MRPS23: variants seen among roughly 807,000 people sequenced by gnomAD.
The protein encoded by MRPS23 is small ribosomal subunit protein mS23.
Under a neutral mutation model 19.8 loss-of-function variants are expected in MRPS23, and 14 were observed. The ratio of observed to expected loss-of-function variants is 0.71; its 90% CI spans 0.47 to 1.11. The LOEUF is 1.11. Among genes scored for constraint, MRPS23 ranks in the 50% least tolerant of loss-of-function variants. MRPS23 has a pLI of 0.00. For missense variants in MRPS23, 242 were observed against 236.7 expected, an observed-to-expected ratio of 1.02 and a Z score of -0.15; for synonymous variants, 113 against 89.7, an observed-to-expected ratio of 1.26 and a Z score of -1.47.
rs1597950461 is a variant in MRPS23, at chr17:57,838,148, G to C, written c.*1635C>G. 1.3e-5 allele frequency: 2 copies of C among 151,096 alleles called. No individual in the cohort carries two copies. The highest frequency in any genetic ancestry group is 2.1e-4 in the South Asian group (1 of 4,794). The allele number at this position is 151,096 out of a possible 1,614,324, so 9.4% of individuals were successfully genotyped here. A position where few individuals can be genotyped will look rare whatever the true frequency, so the allele number is the denominator to read the frequency against. On this transcript the variant is annotated 3_prime_UTR_variant, in exon 5 of 5. Coordinates refer to ENST00000313608, the MANE Select transcript of MRPS23 (RefSeq NM_016070.4). ...CTACTAAAAATACAAAAATTAGCCG[G>C]GCGTCATAGCATACACCTGTAATCC...
rs370711813 is a variant in MRPS23, at chr17:57,839,874, G to A, written c.482C>T (p.Ala161Val). Reference sequence around the variant, plus strand: ...TTTCTGAGTCTCGTTTTCTTCCAACGCAGTCTGTGGTCTGACACTCAAGTG... The same window carrying A: ...TTTCTGAGTCTCGTTTTCTTCCAACACAGTCTGTGGTCTGACACTCAAGTG... ...SEHLSVRPQT[A>V]LEENETQKEV... is the part of the protein sequence containing the mutation. The change falls in exon 5 of 5, where the codon GCG becomes GTG. Residue 161 changes from alanine (A) to valine (V), a missense_variant. Ala to Val is a moderately conservative substitution (Grantham distance 64). Transcript: ENST00000313608. 9 of 1,614,176 alleles carry A rather than the reference G, an allele frequency of 5.6e-6. No homozygotes were observed. The East Asian group carries it at 6.7e-5, about 12-fold the overall frequency.
At chr17:57,844,121 C>T (rs1597952809) in intron 2 of MRPS23, among the ~76,000 whole-genome samples, 2 of 146,208 alleles carry the variant, frequency 1.4e-5, no homozygotes. Context: ...TTGTAAGTTC[C>T]TTTTTCTTTT....
chr17:57,842,864 T>TAAAAAA, intron 2 of MRPS23, among the ~76,000 whole-genome samples: 1 of 79,306 alleles, frequency 1.3e-5, no homozygotes, highest in African/African-American at 4.9e-5. Context: ...ACCCTGTCTC[T>TAAAAAA]AAAAAAAAAA....
At chr17:57,840,260 G>A (rs1334804943) in intron 4 of MRPS23, among the ~76,000 whole-genome samples, 3 of 152,054 alleles carry the variant, frequency 2.0e-5, no homozygotes, top group East Asian at 1.9e-4. Flanking sequence ...GGTGGCAGGC[G>A]CCTGTGGTCC....
chr17:57,840,751 T>C lies in MRPS23; in HGVS notation c.420+175A>G, dbSNP rs1362962836. On this transcript the variant is annotated intron_variant, in intron 4 of 4. Coordinates refer to ENST00000313608, the MANE Select transcript of MRPS23 (RefSeq NM_016070.4). The stretch of plus-strand genomic sequence containing the variant: ...TTATGTATTATAAATGATTTAGAGA[T>C]GATTAAAGTATATGGGAGGATATGT... 6.7e-6 allele frequency: 4 copies of C among 596,970 alleles called. No individual in the cohort carries two copies. The East Asian group carries it at 1.2e-4, about 18-fold the overall frequency. The allele number at this position is 596,970 out of a possible 1,614,324, so 37.0% of individuals were successfully genotyped here.
At chr17:57,840,756 A>G (rs1223438552) in intron 4 of MRPS23, 170 bp downstream of exon 4, 8 of 629,060 alleles carry the variant, frequency 1.3e-5, no homozygotes, top group Non-Finnish European at 2.0e-5. Flanking sequence ...AGAGATGATT[A>G]AAGTATATGG....
At chr17:57,842,971 C>CAA (rs1294613790) in intron 2 of MRPS23, among the ~76,000 whole-genome samples, 1 of 142,512 alleles carries the variant, frequency 7.0e-6, no homozygotes, top group Non-Finnish European at 1.5e-5. Context: ...GTAATCCCAG[C>CAA]AAAAATATAT....
At chr17:57,840,689 AAT>A (rs1398109829) in intron 4 of MRPS23, 7 of 389,454 alleles carry the variant, frequency 1.8e-5, no homozygotes, top group Non-Finnish European at 2.7e-5. Flanking sequence ...AATTTTTAAA[AAT>A]AGAGTATAAC....
chr17:57,846,759 C>G (rs2073778675), intron 2 of MRPS23, among the ~76,000 whole-genome samples: 1 of 151,736 alleles, frequency 6.6e-6, no homozygotes, highest in Non-Finnish European at 1.5e-5. Flanking sequence ...TCTCAAGTAC[C>G]CAGGAACACA....
Position 57,849,333 on chromosome 17 carries a change from A to G in MRPS23, c.122T>C (p.Leu41Pro), listed in dbSNP as rs1597955102. 6.2e-7 allele frequency: 1 copy of G among 1,614,184 alleles called. No individual in the cohort carries two copies. Among genetic ancestry groups the G allele is most frequent in the Non-Finnish European group, 8.5e-7 (1 of 1,180,034 alleles). Residue 41 changes from leucine (L) to proline (P), a missense_variant, in exon 2 of 5, where the codon CTG becomes CCG. By Grantham distance (98) the Leu-to-Pro change is moderately conservative. Transcript: ENST00000313608. ...WFDVYDAFPP[L>P]REPVFQRPRV... ...AGGCCTTTGGAAGACGGGCTCCCTC[A>G]GCGGGGGAAAGGCGTCATATACGTC...
Position 57,839,638 on chromosome 17 carries a change from G to T in MRPS23, c.*145C>A. On this transcript the variant is annotated 3_prime_UTR_variant, in exon 5 of 5. Coordinates refer to ENST00000313608, the MANE Select transcript of MRPS23 (RefSeq NM_016070.4). ...CTGTCAAACCATGATACTGAGCTTTGTGACAACCCAGAAATAACTAAGAGA... is the reference window on the plus strand; with the variant it reads ...CTGTCAAACCATGATACTGAGCTTTTTGACAACCCAGAAATAACTAAGAGA... 2.9e-6 allele frequency: 3 copies of T among 1,044,720 alleles called. No individual in the cohort carries two copies. Among genetic ancestry groups the T allele is most frequent in the South Asian group, 4.6e-5 (2 of 43,800 alleles). 64.7% of individuals were successfully genotyped at this position (1,044,720 alleles called of 1,614,324 possible).
At chr17:57,842,887 T>TACACACAC (rs1209375203) in intron 2 of MRPS23, among the ~76,000 whole-genome samples, 6 of 97,540 alleles carry the variant, frequency 6.2e-5, no homozygotes, top group African/African-American at 2.1e-4. Context: ...AAAATATATA[T>TACACACAC]ATATACACAC....
intron 2 of MRPS23, among the ~76,000 whole-genome samples, chr17:57,847,292 CAAA>C (rs754912035): frequency 4.7e-5 from 4 of 84,986 alleles, no homozygotes. Context: ...GACTCCATCT[CAAA>C]AAAAAAAAAA....
At chr17:57,846,190 C>A (rs541319378) in intron 2 of MRPS23, among the ~76,000 whole-genome samples, 65 of 150,772 alleles carry the variant, frequency 4.3e-4, no homozygotes, top group African/African-American at 1.5e-3. Context: ...CCAGCCGCCC[C>A]GTCCGGGAGG....
chr17:57,846,692 T>C lies in MRPS23; in HGVS notation c.215+2548A>G, dbSNP rs913113843. On this transcript the variant is annotated intron_variant, in intron 2 of 4. Transcript: ENST00000313608. The stretch of plus-strand genomic sequence containing the variant: ...GATTAAGGGCGGTGCAAGATGTGCT[T>C]TGTTAAACAGATGCTTGAAGGCAGC... 1.2e-3 allele frequency among the ~76,000 whole-genome samples: 189 copies of C among 152,238 alleles called. 1 individual carries two copies. The highest frequency in any genetic ancestry group is 4.1e-3 in the South Asian group (20 of 4,822).
At chr17:57,846,684 G>A (rs1297090539) in intron 2 of MRPS23, among the ~76,000 whole-genome samples, 3 of 152,124 alleles carry the variant, frequency 2.0e-5, no homozygotes, top group Non-Finnish European at 4.4e-5. Flanking sequence ...GGCGGTGCAA[G>A]ATGTGCTTTG....
At chr17:57,849,060 CT>C in intron 2 of MRPS23, 179 bp downstream of exon 2, 1 of 733,402 alleles carries the variant, frequency 1.4e-6, no homozygotes, top group Non-Finnish European at 2.1e-6. Context: ...CCAGATTCCA[CT>C]TTTCAGAACT....
At chr17:57,847,952 C>A (rs1432974082) in intron 2 of MRPS23, among the ~76,000 whole-genome samples, 1 of 151,928 alleles carries the variant, frequency 6.6e-6, no homozygotes, top group African/African-American at 2.4e-5. Context: ...CCACCTCAGC[C>A]TCCCAAAGTG....
intron 2 of MRPS23, among the ~76,000 whole-genome samples, chr17:57,845,178 G>A (rs2073764795): frequency 6.6e-6 from 1 of 152,304 alleles, no homozygotes; most frequent in South Asian, 2.1e-4. Flanking sequence ...GATTACATGT[G>A]AGAGCAAAGC....
Sources: allele counts gnomAD v4.1 joint callset (sites outside exome capture counted in the v4.1 genomes callset), GRCh38; gene constraint gnomAD v4.1.1; transcripts MANE v1.5; gene names NCBI Gene and HGNC (gene_info 2026-07-23, HGNC 2026-07-21).